The following TTC39B variants were observed in gnomAD, a reference collection of about 807,000 sequenced individuals.
The protein encoded by TTC39B is tetratricopeptide repeat protein 39B.
Under a neutral mutation model 96.6 loss-of-function variants are expected in TTC39B, and 92 were observed. The ratio of observed to expected loss-of-function variants is 0.95; its 90% CI spans 0.80 to 1.13. The LOEUF is 1.13. Ranked by LOEUF, TTC39B falls within the 50% of genes most tolerant of loss-of-function variation. TTC39B has a pLI of 0.00. For missense variants in TTC39B, 955 were observed against 809.3 expected (o/e 1.18, Z -2.18); for synonymous variants, 367 against 299.4 (o/e 1.23, Z -2.33).
chr9:15,164,743 A>G (rs891865871), exon 20 of TTC39B: 2 of 10,026 alleles, frequency 2.0e-4, no homozygotes, highest in African/African-American at 5.6e-4. Context: ...TCAGCAAAAG[A>G]AAAAAAAAAA....
At chr9:15,273,466 CCACA>C (rs1823428252) in intron 1 of TTC39B, among the ~76,000 whole-genome samples, 1 of 152,070 alleles carries the variant, frequency 6.6e-6, no homozygotes, top group African/African-American at 2.4e-5. Context: ...CCCTCCTCCT[CCACA>C]TTCCTCCCTC....
At chr9:15,204,186 A>G (rs531202638) in intron 6 of TTC39B, among the ~76,000 whole-genome samples, 49 of 152,340 alleles carry the variant, frequency 3.2e-4, no homozygotes, top group African/African-American at 1.0e-3. Context: ...GAACATTTAA[A>G]AGCACTTTTT....
At chr9:15,226,787 G>A (rs1478825397) in intron 2 of TTC39B, among the ~76,000 whole-genome samples, 2 of 152,114 alleles carry the variant, frequency 1.3e-5, no homozygotes, top group South Asian at 2.1e-4. Flanking sequence ...CACAATGGGG[G>A]CAGGTCCACT....
chr9:15,302,909 C>T (rs1046053172), intron 1 of TTC39B, among the ~76,000 whole-genome samples: 1 of 152,040 alleles, frequency 6.6e-6, no homozygotes, highest in Non-Finnish European at 1.5e-5. Context: ...GTGGCTCATG[C>T]CTGTAATCCC....
intron 1 of TTC39B, among the ~76,000 whole-genome samples, chr9:15,291,400 G>T (rs990594560): frequency 6.6e-6 from 1 of 152,178 alleles, no homozygotes; most frequent in Non-Finnish European, 1.5e-5. Flanking sequence ...CACGTGAGAC[G>T]TGACTTGCTC....
intron 1 of TTC39B, among the ~76,000 whole-genome samples, chr9:15,305,987 A>G (rs1357635336): frequency 6.6e-6 from 1 of 151,984 alleles, no homozygotes; most frequent in Non-Finnish European, 1.5e-5. Context: ...CATGCAGAGG[A>G]GCTGTAGTTC....
chr9:15,172,810 T>A (rs1817732938), intron 19 of TTC39B, among the ~76,000 whole-genome samples: 1 of 152,174 alleles, frequency 6.6e-6, no homozygotes, highest in Non-Finnish European at 1.5e-5. Context: ...GTGGCACTTA[T>A]TTCTATAGCC....
chr9:15,168,330 G>A (rs1199064440), exon 20 of TTC39B: 1 of 150,272 alleles, frequency 6.7e-6, no homozygotes, highest in Non-Finnish European at 1.5e-5. Flanking sequence ...CAAAATCTTA[G>A]GGTATTAAAA....
At chr9:15,283,562 G>C (rs62570819) in intron 1 of TTC39B, among the ~76,000 whole-genome samples, 2,456 of 151,298 alleles carry the variant, frequency 0.016, 80 homozygotes, top group African/African-American at 0.057. Context: ...CAGTCAATAA[G>C]ATTCGCAGCA....
intron 6 of TTC39B, 120 bp downstream of exon 6, chr9:15,209,968 T>A: frequency 1.4e-6 from 1 of 718,062 alleles, no homozygotes; most frequent in Non-Finnish European, 2.4e-6. Flanking sequence ...AGAGGGTGAG[T>A]ATGATAGGGA....
intron 8 of TTC39B, 140 bp downstream of exon 8, chr9:15,199,721 T>C (rs1257768468): frequency 6.3e-5 from 21 of 332,456 alleles, no homozygotes; most frequent in African/African-American, 3.5e-4. Flanking sequence ...GGTGACAGAG[T>C]GAGACTCCGT....
At chr9:15,212,008 AG>A (rs1820228835) in intron 4 of TTC39B, among the ~76,000 whole-genome samples, 1 of 152,228 alleles carries the variant, frequency 6.6e-6, no homozygotes, top group Non-Finnish European at 1.5e-5. Flanking sequence ...AGGATTCTTA[AG>A]GATGTTAACT....
At chr9:15,207,679 T>C (rs1005096094) in intron 6 of TTC39B, among the ~76,000 whole-genome samples, 1 of 152,052 alleles carries the variant, frequency 6.6e-6, no homozygotes, top group African/African-American at 2.4e-5. Flanking sequence ...ACATACAGGA[T>C]GCTTTTTAAA....
chr9:15,166,755 G>C (rs1320699480), exon 20 of TTC39B: 1 of 151,366 alleles, frequency 6.6e-6, no homozygotes, highest in Non-Finnish European at 1.5e-5. Context: ...GAAGGACTAG[G>C]ATAAGAAATC....
At chr9:15,166,979 A>ATTTTT (rs1371714154) in exon 20 of TTC39B, 17 of 33,430 alleles carry the variant, frequency 5.1e-4, no homozygotes, top group East Asian at 1.1e-3. Context: ...ACAAACCTTT[A>ATTTTT]TTTTATATAT....
chr9:15,172,274 G>C (rs560908243), intron 19 of TTC39B, among the ~76,000 whole-genome samples, 165 bp from the exon 20 acceptor site: 16 of 151,956 alleles, frequency 1.1e-4, no homozygotes, highest in Admixed American at 9.2e-4. Context: ...GGGGGTTTTG[G>C]GGGGAACTGC....
At chr9:15,299,470 T>A (rs1338983365) in intron 1 of TTC39B, among the ~76,000 whole-genome samples, 1 of 152,074 alleles carries the variant, frequency 6.6e-6, no homozygotes, top group Non-Finnish European at 1.5e-5. Context: ...CTGGCCGCGG[T>A]GGCTCTGGGT....
chr9:15,293,102 T>C (rs922712389), intron 1 of TTC39B, among the ~76,000 whole-genome samples: 1 of 152,230 alleles, frequency 6.6e-6, no homozygotes, highest in East Asian at 1.9e-4. Context: ...TTATATTGTA[T>C]ACCACATTTT....
At chr9:15,214,076 A>C (rs1820358532) in intron 4 of TTC39B, 63 bp downstream of exon 4, 1 of 1,241,158 alleles carries the variant, frequency 8.1e-7, no homozygotes, top group Non-Finnish European at 1.2e-6. Context: ...TACAAGCATG[A>C]CATCAAAGAA....
Sources: gnomAD v4.1 joint callset for allele counts (sites outside exome capture counted in the v4.1 genomes callset) on GRCh38, gnomAD v4.1.1 for gene constraint, MANE v1.5 for transcripts, NCBI Gene and HGNC (gene_info 2026-07-23, HGNC 2026-07-21) for gene names.